The following PHYH variants were observed in gnomAD, a reference collection of about 807,000 sequenced individuals.
The protein encoded by PHYH is phytanoyl-CoA dioxygenase, peroxisomal.
In PHYH, 32 loss-of-function variants were observed where a neutral mutation model predicts 38.5. That is an observed-to-expected ratio of 0.83 (90% CI 0.63 to 1.12). The LOEUF (loss-of-function observed/expected upper bound fraction) is 1.12. PHYH is among the 50% of genes most tolerant of loss of function. The pLI is 0.00. For missense variants in PHYH, 426 were observed against 434.8 expected, an observed-to-expected ratio of 0.98 and a Z score of 0.18; for synonymous variants, 166 against 157.9, an observed-to-expected ratio of 1.05 and a Z score of -0.38.
intron 4 of PHYH, among the ~76,000 whole-genome samples, chr10:13,293,493 G>A (rs541164635): frequency 3.9e-5 from 6 of 152,054 alleles, no homozygotes; most frequent in Admixed American, 2.6e-4. Context: ...GTAGAGACTG[G>A]GTTTCACCAT....
chr10:13,281,132 A>G, intron 7 of PHYH, 22 bp from the exon 8 acceptor site: 1 of 1,613,826 alleles, frequency 6.2e-7, no homozygotes, highest in South Asian at 1.1e-5. Context: ...GAACAAATTG[A>G]TATTGGAGAA....
chr10:13,296,754 G>A (rs55637986), intron 2 of PHYH, among the ~76,000 whole-genome samples: 37,007 of 150,872 alleles, frequency 0.25, 5,018 homozygotes, highest in African/African-American at 0.35. Context: ...GGTCAGATCG[G>A]GACCATCCTG....
rs1211539675 is a variant in PHYH, at chr10:13,281,109, G to T, written c.830C>A (p.Ala277Glu). 8 of 1,614,150 alleles carry T rather than the reference G, an allele frequency of 5.0e-6. No individual in the cohort carries two copies. The highest frequency in any genetic ancestry group is 5.9e-6 in the Non-Finnish European group (7 of 1,180,008). Residue 277 changes from alanine to glutamate, a missense_variant and splice_region_variant, in exon 8 of 9, where the codon GCA (alanine) becomes GAA (glutamate). Ala to Glu is a moderately radical substitution (Grantham distance 107). Transcript: ENST00000263038. ...GGCACTGGCGAAATGGCAGGAAATT[G>T]CCTGTGCAAAGTGAACAAATTGATA... ...GQNKTQGFRK[A>E]ISCHFASADC... is the part of the protein sequence containing the mutation.
intron 2 of PHYH, among the ~76,000 whole-genome samples, chr10:13,296,721 AG>A (rs1453477948): frequency 2.0e-5 from 3 of 149,832 alleles, no homozygotes; most frequent in Non-Finnish European, 4.4e-5. Context: ...TAGCTTTGGG[AG>A]GCTGAGGTGG....
chr10:13,281,454 A>C (rs1835413570), intron 7 of PHYH, among the ~76,000 whole-genome samples: 1 of 151,266 alleles, frequency 6.6e-6, no homozygotes, highest in Admixed American at 6.6e-5. Context: ...CCAAAGTCTT[A>C]AGAAGGACTG....
chr10:13,295,903 C>T (rs1359346967), intron 2 of PHYH, among the ~76,000 whole-genome samples: 1 of 151,882 alleles, frequency 6.6e-6, no homozygotes, highest in Non-Finnish European at 1.5e-5. Flanking sequence ...CGTGGGGGCT[C>T]ATGCCTATAA....
At chr10:13,283,156 A>T (rs1363674451) in intron 7 of PHYH, among the ~76,000 whole-genome samples, 2 of 57,234 alleles carry the variant, frequency 3.5e-5, no homozygotes, top group African/African-American at 1.5e-4. Context: ...TTTGAGACGG[A>T]GTCTCGCTGT....
intron 2 of PHYH, among the ~76,000 whole-genome samples, chr10:13,297,465 G>GT (rs1189336299): frequency 6.6e-6 from 1 of 151,856 alleles, no homozygotes; most frequent in Non-Finnish European, 1.5e-5. Context: ...GTTTTGTTTT[G>GT]TTTTTTGAGA....
At chr10:13,291,104 CAAAAAAAA>C (rs367712215) in intron 5 of PHYH, among the ~76,000 whole-genome samples, 1 of 76,366 alleles carries the variant, frequency 1.3e-5, no homozygotes, top group African/African-American at 5.3e-5. Flanking sequence ...AACTCCATCT[CAAAAAAAA>C]AAAAAAAAAA....
intron 5 of PHYH, among the ~76,000 whole-genome samples, chr10:13,289,320 C>G (rs889625433): frequency 5.3e-5 from 8 of 152,058 alleles, no homozygotes; most frequent in Admixed American, 2.6e-4. Flanking sequence ...CTCAGCCTCC[C>G]GAGTAGCTGG....
chr10:13,288,521 G>T lies in PHYH; in HGVS notation c.517C>A (p.Pro173Thr), dbSNP rs1835617888. 2 of 1,614,116 alleles carry T rather than the reference G, an allele frequency of 1.2e-6. No individual in the cohort carries two copies. The highest frequency in any genetic ancestry group is 1.7e-6 in the Non-Finnish European group (2 of 1,180,028). Reference protein sequence around the residue: ...PDSGKKTSRHPLHQDLHYFPF... With the variant: ...PDSGKKTSRHTLHQDLHYFPF... ...AAATAGTGCAGGTCCTGGTGCAGGG[G>T]GTGACGGGACGTCTTCTTGCCTGAA... The change falls in exon 6 of 9, where the codon CCC becomes ACC. Residue 173 changes from proline to threonine, a missense_variant. Coordinates refer to ENST00000263038, the MANE Select transcript of PHYH (RefSeq NM_006214.4).
At chr10:13,298,467 G>A (rs185469800) in intron 1 of PHYH, among the ~76,000 whole-genome samples, 4 of 151,976 alleles carry the variant, frequency 2.6e-5, no homozygotes, top group South Asian at 2.1e-4. Context: ...TTGGGAGGCC[G>A]AGGCGGATGG....
rs1053669163 is a variant in PHYH, at chr10:13,277,996, A to C, written c.*305T>G. 2 of 379,078 alleles carry C rather than the reference A, an allele frequency of 5.3e-6. No homozygotes were observed. Among genetic ancestry groups the C allele is most frequent in the Admixed American group, 3.9e-5 (1 of 25,424 alleles). 23.5% of individuals were successfully genotyped at this position (379,078 alleles called of 1,614,324 possible). On this transcript the variant is annotated 3_prime_UTR_variant, in exon 9 of 9. Transcript: ENST00000263038. ...CCAAATCATTCACTTCTTCTTGGGT[A>C]AAGAGCTAACTGAATGAAAGAAATT...
chr10:13,284,582 G>T (rs900848698), intron 6 of PHYH, among the ~76,000 whole-genome samples: 14 of 152,112 alleles, frequency 9.2e-5, no homozygotes, highest in African/African-American at 3.4e-4. Flanking sequence ...TCTTACTCAG[G>T]AGTGTCTCTG....
intron 3 of PHYH, chr10:13,294,970 C>T: frequency 3.0e-6 from 1 of 333,190 alleles, no homozygotes; most frequent in South Asian, 2.6e-5. Context: ...TATTATTATC[C>T]CCATTTTACA....
At chr10:13,282,237 C>G (rs1235597387) in intron 7 of PHYH, among the ~76,000 whole-genome samples, 1 of 151,400 alleles carries the variant, frequency 6.6e-6, no homozygotes, top group Non-Finnish European at 1.5e-5. Context: ...GGCAAAAGAG[C>G]AAGATGCTGT....
chr10:13,286,980 T>C (rs1835566905), intron 6 of PHYH, among the ~76,000 whole-genome samples: 1 of 152,194 alleles, frequency 6.6e-6, no homozygotes, highest in South Asian at 2.1e-4. Context: ...ATGCAAAATA[T>C]GTACAATTTA....
chr10:13,298,764 GCTACTA>G (rs376757608), intron 1 of PHYH, among the ~76,000 whole-genome samples: 1 of 106,780 alleles, frequency 9.4e-6, no homozygotes, highest in Non-Finnish European at 1.8e-5. Context: ...TACTACTACT[GCTACTA>G]CTACTACTAC....
Position 13,295,535 on chromosome 10 carries a change from A to G in PHYH, c.206T>C (p.Ile69Thr), listed in dbSNP as rs143820757. ...KFYEENGFLV[I>T]KNLVPDADIQ... ...ATCGGCATCAGGTACAAGATTTTTG[A>G]TTACTAGAAACCCATTTTCTTCATA... The change falls in exon 3 of 9, where the codon ATC becomes ACC. Residue 69 changes from isoleucine (I) to threonine (T), a missense_variant. By Grantham distance (89) the Ile-to-Thr change is moderately conservative. Transcript: ENST00000263038. The G allele has an allele frequency of 2.0e-5, 31 of 1,566,222 alleles. No homozygotes were observed. Among genetic ancestry groups the G allele is most frequent in the Non-Finnish European group, 2.7e-5 (31 of 1,136,468 alleles).
Sources: allele counts gnomAD v4.1 joint callset (sites outside exome capture counted in the v4.1 genomes callset), GRCh38; gene constraint gnomAD v4.1.1; transcripts MANE v1.5; gene names NCBI Gene and HGNC (gene_info 2026-07-23, HGNC 2026-07-21).